EIF2AK4: variants seen among roughly 807,000 people sequenced by gnomAD.
EIF2AK4 encodes eIF-2-alpha kinase GCN2.
EIF2AK4 carries 139 observed loss-of-function variants against 211.1 expected under a neutral mutation model. The ratio of observed to expected loss-of-function variants is 0.66; its 90% CI spans 0.57 to 0.76. The LOEUF is 0.76. EIF2AK4 is among the 30% of genes least tolerant of loss of function. EIF2AK4 has a pLI of 0.00. For missense variants in EIF2AK4, 1,664 were observed against 2,043.8 expected, an observed-to-expected ratio of 0.81 and a Z score of 3.58; for synonymous variants, 710 against 751.3, an observed-to-expected ratio of 0.94 and a Z score of 0.90.
intron 18 of EIF2AK4, among the ~76,000 whole-genome samples, chr15:39,995,682 CTTTTTA>C (rs1164309722): frequency 6.6e-6 from 1 of 151,186 alleles, no homozygotes; most frequent in Non-Finnish European, 1.5e-5. Context: ...TTTTCTGTAG[CTTTTTA>C]TTTTTATTTA....
intron 5 of EIF2AK4, 105 bp from the exon 6 acceptor site, chr15:39,955,515 A>G (rs1478014143): frequency 2.6e-6 from 3 of 1,155,274 alleles, no homozygotes; most frequent in African/African-American, 1.6e-5. Flanking sequence ...ACTTGTAAAC[A>G]TTCAGCTTAA....
In EIF2AK4 at chr15:40,029,396, T is replaced by C. The variant is rs2035508769; in HGVS notation, c.4503-10T>C. ...CTGTTCTTTAATTGTTTTTGTTTGCTTGTTTTTAGAGAAGCTTCCGATAAT... is the reference window on the plus strand; with the variant it reads ...CTGTTCTTTAATTGTTTTTGTTTGCCTGTTTTTAGAGAAGCTTCCGATAAT... On this transcript the variant is annotated splice_polypyrimidine_tract_variant and intron_variant, in intron 33 of 38. Transcript: ENST00000263791. The C allele has an allele frequency of 6.2e-7, 1 of 1,612,518 alleles. No individual in the cohort carries two copies. The highest frequency in any genetic ancestry group is 1.3e-5 in the African/African-American group (1 of 75,040).
chr15:40,001,783 C>G (rs1368532371), intron 21 of EIF2AK4, among the ~76,000 whole-genome samples: 2 of 152,134 alleles, frequency 1.3e-5, no homozygotes, highest in Admixed American at 1.3e-4. Context: ...CAGAAACTCT[C>G]TGACAATGCA....
intron 6 of EIF2AK4, among the ~76,000 whole-genome samples, chr15:39,955,978 A>G (rs1043576430): frequency 1.3e-5 from 2 of 150,262 alleles, no homozygotes; most frequent in African/African-American, 2.4e-5. Context: ...AGTATCTATC[A>G]TGAATCTAGT....
At chr15:40,023,176 TAAG>T (rs1200159003) in intron 32 of EIF2AK4, among the ~76,000 whole-genome samples, 1 of 152,208 alleles carries the variant, frequency 6.6e-6, no homozygotes, top group Non-Finnish European at 1.5e-5. Context: ...GCTAAGAAAA[TAAG>T]AATAAGTAAA....
chr15:39,980,017 G>A (rs1183386958), intron 13 of EIF2AK4, among the ~76,000 whole-genome samples: 1 of 152,144 alleles, frequency 6.6e-6, no homozygotes, highest in East Asian at 1.9e-4. Context: ...GCTTTCATAA[G>A]CTCAAAGAAA....
In EIF2AK4 at chr15:39,953,893, A is replaced by G; in HGVS notation, c.514-11A>G. 1.2e-6 allele frequency: 2 copies of G among 1,610,982 alleles called. No individual in the cohort carries two copies. Among genetic ancestry groups the G allele is most frequent in the Non-Finnish European group, 1.7e-6 (2 of 1,179,332 alleles). On this transcript the variant is annotated splice_polypyrimidine_tract_variant and intron_variant, in intron 4 of 38. Transcript: ENST00000263791. ...GAGATTGGCATTTGATGATGGTTTGATTTATTTCAGCAACGTGAAATCCTG... is the reference window on the plus strand; with the variant it reads ...GAGATTGGCATTTGATGATGGTTTGGTTTATTTCAGCAACGTGAAATCCTG...
intron 9 of EIF2AK4, among the ~76,000 whole-genome samples, chr15:39,969,582 A>G (rs892402328): frequency 6.6e-6 from 1 of 152,002 alleles, no homozygotes; most frequent in Non-Finnish European, 1.5e-5. Context: ...GGATGGTCTC[A>G]ATCTCCTGAC....
intron 18 of EIF2AK4, among the ~76,000 whole-genome samples, chr15:39,993,145 CACCT>C (rs543394996): frequency 2.6e-4 from 39 of 151,316 alleles, no homozygotes; most frequent in African/African-American, 9.2e-4. Flanking sequence ...CCCATCCATC[CACCT>C]GTCCATCCAC....
chr15:39,973,627 C>G lies in EIF2AK4; in HGVS notation c.1696C>G (p.Pro566Ala), dbSNP rs1243764781. 1.2e-6 allele frequency: 2 copies of G among 1,613,994 alleles called. No homozygotes were observed. Among genetic ancestry groups the G allele is most frequent in the Non-Finnish European group, 8.5e-7 (1 of 1,179,922 alleles). ...ACAAGATTATGTTGAGACTGTTATT[C>G]CTAGCAACCGGCTACCCAGTGCTGC... ...EGQDYVETVI[P>A]SNRLPSAAFF... is the part of the protein sequence containing the mutation. The change falls in exon 11 of 39, where the codon CCT (proline) becomes GCT (alanine). Residue 566 changes from proline (P) to alanine (A), a missense_variant. Physicochemically the swap from Pro to Ala is conservative, Grantham distance 27. Around this residue, in one of 7 missense-constraint regions of EIF2AK4, gnomAD observed 641 missense variants for 729.6 expected, o/e 0.88. Transcript: ENST00000263791.
chr15:39,966,510 A>AG lies in EIF2AK4; in HGVS notation c.1017+667_1017+668insG, dbSNP rs1270551546. 2.0e-5 allele frequency among the ~76,000 whole-genome samples: 3 copies of AG among 151,566 alleles called. No individual in the cohort carries two copies. The East Asian group carries it at 5.8e-4, about 29-fold the overall frequency. ...AGCAAGACCCTGTCTCCAAAAAAAAAAAAAGAAAAGAAAAATACTGCTTCA... is the reference window on the plus strand; with the variant it reads ...AGCAAGACCCTGTCTCCAAAAAAAAAGAAAAGAAAAGAAAAATACTGCTTCA... On this transcript the variant is annotated intron_variant, in intron 8 of 38. Coordinates refer to ENST00000263791, the MANE Select transcript of EIF2AK4 (RefSeq NM_001013703.4).
At chr15:39,939,253 T>A (rs909198367) in intron 1 of EIF2AK4, among the ~76,000 whole-genome samples, 1 of 152,210 alleles carries the variant, frequency 6.6e-6, no homozygotes, top group African/African-American at 2.4e-5. Context: ...CTCAGTAACA[T>A]CTGAACGAAT....
Position 39,976,398 on chromosome 15 carries a change from C to T in EIF2AK4, c.1819-16C>T, listed in dbSNP as rs1168589301. On this transcript the variant is annotated splice_polypyrimidine_tract_variant and intron_variant, in intron 11 of 38. Transcript: ENST00000263791. ...CAAGGCTCCGAGCGGCTGACCTTCC[C>T]CTGGCTGTGCCGCAGGTGCAGAACA... 6.3e-7 allele frequency: 1 copy of T among 1,576,318 alleles called. No homozygotes were observed. The highest frequency in any genetic ancestry group is 8.6e-7 in the Non-Finnish European group (1 of 1,161,640).
At chr15:40,022,424 A>G in intron 31 of EIF2AK4, 95 bp from the exon 32 acceptor site, 2 of 1,036,358 alleles carry the variant, frequency 1.9e-6, no homozygotes. Context: ...CACATTGAGA[A>G]TATAATTGGA....
At chr15:40,002,325 A>G (rs1236185998) in intron 21 of EIF2AK4, 2 of 165,732 alleles carry the variant, frequency 1.2e-5, no homozygotes, top group South Asian at 1.9e-4. Flanking sequence ...GTAGCTTTCA[A>G]CAGGCCTGCC....
intron 33 of EIF2AK4, among the ~76,000 whole-genome samples, chr15:40,028,369 C>T (rs529081570): frequency 4.6e-5 from 7 of 152,300 alleles, no homozygotes; most frequent in East Asian, 3.8e-4. Context: ...AAATACCACA[C>T]GGTAATTTTT....
In EIF2AK4 at chr15:40,017,370, A is replaced by G. The variant is rs189910589; in HGVS notation, c.4065+128A>G. 1.6e-4 allele frequency: 166 copies of G among 1,055,712 alleles called. No homozygotes were observed. In the African/African-American group the frequency reaches 2.4e-3, roughly 15 times the overall value. The allele number at this position is 1,055,712 out of a possible 1,614,324, so 65.4% of individuals were successfully genotyped here. ...TATCATTGGATACTTCTATTAATATATGTTTCATCTAGGAATAGAAATATA... is the reference window on the plus strand; with the variant it reads ...TATCATTGGATACTTCTATTAATATGTGTTTCATCTAGGAATAGAAATATA... On this transcript the variant is annotated intron_variant, in intron 29 of 38. Transcript: ENST00000263791.
At chr15:40,018,569 G>T (rs1024099735) in intron 29 of EIF2AK4, among the ~76,000 whole-genome samples, 2 of 151,920 alleles carry the variant, frequency 1.3e-5, no homozygotes, top group Admixed American at 1.3e-4. Context: ...CAATCCTCCT[G>T]CCTTGGCCTT....
intron 7 of EIF2AK4, among the ~76,000 whole-genome samples, chr15:39,962,160 G>A (rs374123234): frequency 6.6e-6 from 1 of 152,228 alleles, no homozygotes; most frequent in African/African-American, 2.4e-5. Context: ...TTGGGGGGCC[G>A]AGGTGGAAGG....
Sources: gnomAD v4.1 joint callset for allele counts (sites outside exome capture counted in the v4.1 genomes callset) on GRCh38, gnomAD v4.1.1 for gene constraint, gnomAD v4.1.1 regional missense constraint, MANE v1.5 for transcripts, NCBI Gene and HGNC (gene_info 2026-07-23, HGNC 2026-07-21) for gene names.